The following THADA variants were observed in gnomAD, a reference collection of about 807,000 sequenced individuals.
THADA encodes the protein THADA armadillo repeat containing, also known as tRNA (32-2'-O)-methyltransferase regulator THADA.
A neutral mutation model predicts 219.8 loss-of-function variants in THADA; 213 were observed. That is an observed-to-expected ratio of 0.97 (90% CI 0.87 to 1.09). The LOEUF is 1.09. Among genes scored for constraint, THADA ranks in the 50% least tolerant of loss-of-function variants. THADA has a pLI of 0.00. For missense variants in THADA, 2,956 were observed against 2,311.3 expected (o/e 1.28, Z -5.72); for synonymous variants, 1,018 against 828.9 (o/e 1.23, Z -3.92).
At chr2:43,243,960 A>T (rs986803562) in intron 36 of THADA, among the ~76,000 whole-genome samples, 1 of 152,192 alleles carries the variant, frequency 6.6e-6, no homozygotes, top group Middle Eastern at 3.2e-3. Flanking sequence ...CTATTATGAA[A>T]CCAGAAATAC....
intron 29 of THADA, among the ~76,000 whole-genome samples, chr2:43,365,067 A>G (rs546657461): frequency 6.6e-6 from 1 of 151,042 alleles, no homozygotes; most frequent in South Asian, 2.1e-4. Flanking sequence ...CTGGGATTAC[A>G]GGCATGCACC....
rs184321631 is a variant in THADA, at chr2:43,476,779, G to C, written c.3836+8455C>G. 1.1e-3 allele frequency among the ~76,000 whole-genome samples: 170 copies of C among 152,258 alleles called. 1 individual carries two copies. Among genetic ancestry groups the C allele is most frequent in the Middle Eastern group, 3.4e-3 (1 of 294 alleles). The stretch of plus-strand genomic sequence containing the variant: ...ATGCAAGTTAGGTACTAATCTTGCT[G>C]ATCAGTTCACCAACTGTATTATAGG... On this transcript the variant is annotated intron_variant, in intron 26 of 37. Coordinates refer to ENST00000405975, the MANE Select transcript of THADA (RefSeq NM_022065.5).
chr2:43,469,441 C>CA lies in THADA; in HGVS notation c.3836+15792dup, dbSNP rs557386776. Among the ~76,000 whole-genome samples the CA allele has an allele frequency of 2.6e-5, 4 of 152,172 alleles. No individual in the cohort carries two copies. In the South Asian group the frequency reaches 8.3e-4, roughly 32 times the overall value. ...AATAATGTGGACAAACCTGAAATCTCACTAGTAATAAAAACAATGCAAACT... is the reference window on the plus strand; with the variant it reads ...AATAATGTGGACAAACCTGAAATCTCAACTAGTAATAAAAACAATGCAAACT... On this transcript the variant is annotated intron_variant, in intron 26 of 37. Transcript: ENST00000405975.
chr2:43,289,112 C>A (rs749180625), intron 34 of THADA, among the ~76,000 whole-genome samples: 4 of 152,184 alleles, frequency 2.6e-5, no homozygotes, highest in Non-Finnish European at 5.9e-5. Context: ...ATAATGTTTT[C>A]AAGGTTCACC....
intron 22 of THADA, among the ~76,000 whole-genome samples, chr2:43,509,655 T>G (rs944286005): frequency 1.3e-5 from 2 of 152,184 alleles, no homozygotes; most frequent in African/African-American, 4.8e-5. Context: ...TTTTTTTTCT[T>G]TATTCTAGTT....
intron 26 of THADA, among the ~76,000 whole-genome samples, chr2:43,453,045 A>ACTT (rs1231887857): frequency 2.0e-5 from 3 of 152,188 alleles, no homozygotes; most frequent in African/African-American, 7.2e-5. Flanking sequence ...TAAGTCTGTG[A>ACTT]ACACTCAGGC....
rs1407388909 is a variant in THADA at position 43,286,890 on chromosome 2, C to T, written c.5164+18G>A. 6.2e-7 allele frequency: 1 copy of T among 1,601,880 alleles called. No homozygotes were observed. Among genetic ancestry groups the T allele is most frequent in the South Asian group, 1.1e-5 (1 of 90,552 alleles). On this transcript the variant is annotated intron_variant, in intron 35 of 37. Coordinates refer to ENST00000405975, the MANE Select transcript of THADA (RefSeq NM_022065.5). ...TAAGTGAGTTTGGTACAACAGACTT[C>T]CGTCTCGGCGCACTTACCAAGAATA... is the stretch of plus-strand genomic sequence containing the variant.
At chr2:43,404,356 C>A (rs1037498951) in intron 28 of THADA, among the ~76,000 whole-genome samples, 2 of 150,692 alleles carry the variant, frequency 1.3e-5, no homozygotes, top group Admixed American at 1.3e-4. Flanking sequence ...CCAGGCCTAG[C>A]TAATTTTCTT....
intron 25 of THADA, among the ~76,000 whole-genome samples, chr2:43,497,871 C>T (rs1188083250): frequency 6.6e-6 from 1 of 152,034 alleles, no homozygotes; most frequent in African/African-American, 2.4e-5. Flanking sequence ...GGTGACAGAG[C>T]AAGACTCCAA....
intron 29 of THADA, among the ~76,000 whole-genome samples, chr2:43,380,025 G>A (rs1671810228): frequency 6.6e-6 from 1 of 152,226 alleles, no homozygotes; most frequent in Admixed American, 6.5e-5. Flanking sequence ...GAGTTTTGTG[G>A]AGATAGGAAT....
At chr2:43,552,869 T>C (rs1421857608) in intron 17 of THADA, among the ~76,000 whole-genome samples, 2 of 152,004 alleles carry the variant, frequency 1.3e-5, no homozygotes, top group Admixed American at 1.3e-4. Flanking sequence ...ACCTCTACCC[T>C]TCTCCAGCCC....
chr2:43,231,309 ACTTCTG>A lies in THADA; in HGVS notation c.5495_5500del (p.Ala1832_Glu1833del). The A allele has an allele frequency of 1.3e-6, 2 of 1,568,302 alleles. No individual in the cohort carries two copies. The highest frequency in any genetic ancestry group is 2.4e-5 in the South Asian group (2 of 83,324). ...GATCAGGGTCTCGGCCCAAAAGTTG[ACTTCTG>A]CTTTTTCAAACAGGTAGTCTTCTTC... On this transcript the variant is annotated inframe_deletion, in exon 38 of 38. Coordinates refer to ENST00000405975, the MANE Select transcript of THADA (RefSeq NM_022065.5).
chr2:43,336,812 T>C (rs1320045783), intron 30 of THADA, among the ~76,000 whole-genome samples: 3 of 152,142 alleles, frequency 2.0e-5, no homozygotes, highest in Non-Finnish European at 4.4e-5. Flanking sequence ...TAAATGCCAA[T>C]AGCAAGGGAT....
At chr2:43,498,989 G>T in intron 24 of THADA, 34 bp from the exon 25 acceptor site, 1 of 1,543,244 alleles carries the variant, frequency 6.5e-7, no homozygotes, top group South Asian at 1.2e-5. Context: ...GTTGTGGGTT[G>T]AAAACCATGG....
chr2:43,249,644 T>G (rs1669613110), intron 36 of THADA, among the ~76,000 whole-genome samples: 1 of 152,194 alleles, frequency 6.6e-6, no homozygotes, highest in African/African-American at 2.4e-5. Flanking sequence ...CCCTCATCAC[T>G]AGTGGATTGG....
intron 37 of THADA, 52 bp from the exon 38 acceptor site, chr2:43,231,395 C>T: frequency 6.8e-7 from 1 of 1,463,626 alleles, no homozygotes. Context: ...TGGTGACAAG[C>T]CCCAGTCCAG....
chr2:43,433,196 G>A (rs540737677), intron 26 of THADA, among the ~76,000 whole-genome samples: 7 of 151,622 alleles, frequency 4.6e-5, no homozygotes, highest in Non-Finnish European at 7.4e-5. Context: ...ATTTTTAATC[G>A]GGAGATTTTT....
intron 26 of THADA, among the ~76,000 whole-genome samples, chr2:43,437,143 C>A (rs968298117): frequency 6.6e-6 from 1 of 152,162 alleles, no homozygotes; most frequent in African/African-American, 2.4e-5. Context: ...CTGATTTTAA[C>A]TGAGGTAATC....
chr2:43,382,722 G>A (rs1450791904), intron 29 of THADA, among the ~76,000 whole-genome samples: 3 of 152,132 alleles, frequency 2.0e-5, no homozygotes, highest in Non-Finnish European at 2.9e-5. Flanking sequence ...AAAATGTATA[G>A]AATTAAAGAA....
Sources: gnomAD v4.1 joint callset for allele counts (sites outside exome capture counted in the v4.1 genomes callset) on GRCh38, gnomAD v4.1.1 for gene constraint, MANE v1.5 for transcripts, NCBI Gene and HGNC (gene_info 2026-07-23, HGNC 2026-07-21) for gene names.